The following NOTCH2 variants were observed in gnomAD, a reference collection of about 807,000 sequenced individuals.
The protein encoded by NOTCH2 is notch receptor 2.
NOTCH2 carries 29 observed loss-of-function variants against 235.8 expected under a neutral mutation model. That is an observed-to-expected ratio of 0.12 (90% CI 0.09 to 0.17). The LOEUF (loss-of-function observed/expected upper bound fraction) is 0.17, where lower values mean the gene tolerates loss of function less well. Among genes scored for constraint, NOTCH2 ranks in the 10% least tolerant of loss-of-function variants. The pLI, the probability that NOTCH2 is intolerant of heterozygous loss-of-function variation, is 1.00. For synonymous variants in NOTCH2, 1,086 were observed against 1,141.5 expected, an observed-to-expected ratio of 0.95 and a Z score of 0.98; for missense variants, 2,285 against 3,150.2, an observed-to-expected ratio of 0.73 and a Z score of 6.57.
chr1:119,966,795 G>A (rs1651155063), intron 8 of NOTCH2, among the ~76,000 whole-genome samples: 1 of 152,172 alleles, frequency 6.6e-6, no homozygotes, highest in Non-Finnish European at 1.5e-5. Flanking sequence ...CTGGACTGTG[G>A]AAGGCCCAAA....
intron 1 of NOTCH2, among the ~76,000 whole-genome samples, chr1:120,043,133 A>T (rs1553213109): frequency 6.6e-6 from 1 of 151,644 alleles, no homozygotes; most frequent in African/African-American, 2.4e-5. Context: ...TATATTTAGG[A>T]TTAACATCTC....
intron 1 of NOTCH2, among the ~76,000 whole-genome samples, chr1:120,031,904 AAC>A (rs1654106592): frequency 1.9e-5 from 1 of 53,594 alleles, no homozygotes; most frequent in East Asian, 3.6e-4. Flanking sequence ...CTATAATTAA[AAC>A]AGTTAATGTC....
Position 119,997,843 on chromosome 1 carries a change from G to A in NOTCH2, c.416-511C>T, listed in dbSNP as rs192580349. Among the ~76,000 whole-genome samples, 429 of 139,944 alleles carry A rather than the reference G, an allele frequency of 3.1e-3. 35 individuals are homozygous for A. The highest frequency in any genetic ancestry group is 0.012 in the African/African-American group (400 of 33,368). The allele number at this position is 139,944 out of a possible 152,430, so 91.8% of individuals were successfully genotyped here. A position where few individuals can be genotyped will look rare whatever the true frequency, so the allele number is the denominator to read the frequency against. ...ACAAAAATTAGCTGGGCATGGTGGC[G>A]CGCACCTGTGATCCCAGCTACTTGG... On this transcript the variant is annotated intron_variant, in intron 3 of 33. Coordinates refer to ENST00000256646, the MANE Select transcript of NOTCH2 (RefSeq NM_024408.4).
intron 5 of NOTCH2, among the ~76,000 whole-genome samples, chr1:119,985,165 T>C (rs1363996770): frequency 2.0e-5 from 3 of 152,104 alleles, no homozygotes; most frequent in Non-Finnish European, 4.4e-5. Flanking sequence ...GACTTTCTCC[T>C]GTTGATGATG....
At chr1:120,018,743 C>T (rs1226913645) in intron 2 of NOTCH2, among the ~76,000 whole-genome samples, 1 of 149,510 alleles carries the variant, frequency 6.7e-6, no homozygotes, top group Non-Finnish European at 1.5e-5. Context: ...ATAGAAAGGT[C>T]TAACCATCTT....
intron 10 of NOTCH2, 84 bp downstream of exon 10, chr1:119,965,369 C>T (rs1485457248): frequency 9.4e-7 from 1 of 1,069,392 alleles, no homozygotes; most frequent in Non-Finnish European, 1.5e-6. Flanking sequence ...TGGCCTGGCA[C>T]AGCAGCTAGC....
rs1319173927 is a variant in NOTCH2 at position 119,916,484 on chromosome 1, G to C, written c.6238C>G (p.Leu2080Val). Residue 2080 changes from leucine (L) to valine (V), a missense_variant, in exon 34 of 34, where the codon CTC (leucine) becomes GTC (valine). Coordinates refer to ENST00000256646, the MANE Select transcript of NOTCH2 (RefSeq NM_024408.4). ...SPPGTVLTSA[L>V]SPVICGPNRS... The stretch of plus-strand genomic sequence containing the variant: ...TTGGGCCCACAGATGACAGGTGAGA[G>C]AGCAGAAGTCAACACGGTGCCTGGA... 5 of 1,612,646 alleles carry C rather than the reference G, an allele frequency of 3.1e-6. No homozygotes were observed. The highest frequency in any genetic ancestry group is 2.7e-5 in the African/African-American group (2 of 75,000).
chr1:119,943,603 T>C (rs1650145006), intron 17 of NOTCH2, among the ~76,000 whole-genome samples: 1 of 152,196 alleles, frequency 6.6e-6, no homozygotes, highest in Admixed American at 6.5e-5. Context: ...AAAATGTTTT[T>C]TTAAAAAAGA....
At chr1:119,985,749 GA>G (rs1348341155) in intron 5 of NOTCH2, among the ~76,000 whole-genome samples, 1 of 152,054 alleles carries the variant, frequency 6.6e-6, no homozygotes, top group Non-Finnish European at 1.5e-5. Context: ...TTTTTAAGTT[GA>G]AAAAATAGCC....
chr1:119,950,235 T>C (rs1367258545), intron 15 of NOTCH2: 1 of 353,088 alleles, frequency 2.8e-6, no homozygotes, highest in African/African-American at 2.1e-5. Flanking sequence ...CTATATGACC[T>C]TGAGCAAGCA....
Position 119,950,821 on chromosome 1 carries a change from C to T in NOTCH2, c.2382G>A (p.Val794=). ...KKGFKGYNCQ[V]NIDECASNPC... ...GATTTGAGGCACATTCATCAATATTCACCTGGCAGTTATAGCCTGTAGACA... is the reference window on the plus strand; with the variant it reads ...GATTTGAGGCACATTCATCAATATTTACCTGGCAGTTATAGCCTGTAGACA... Residue 794 remains valine (V), a synonymous_variant, in exon 15 of 34, where the codon GTG becomes GTA. Transcript: ENST00000256646. 1.2e-6 allele frequency: 2 copies of T among 1,612,970 alleles called. No homozygotes were observed. Among genetic ancestry groups the T allele is most frequent in the Non-Finnish European group, 1.7e-6 (2 of 1,178,888 alleles).
chr1:119,935,079 A>G lies in NOTCH2; in HGVS notation c.3655+393T>C, dbSNP rs140349926. On this transcript the variant is annotated intron_variant, in intron 22 of 33. Transcript: ENST00000256646. The stretch of plus-strand genomic sequence containing the variant: ...ATTCATTCCCCCACCTTATAGAGGT[A>G]AGACTTGGCTAATTAAAAAAATACA... The G allele has an allele frequency of 2.5e-4, 247 of 979,862 alleles. 5 individuals are homozygous for G. The East Asian group carries it at 0.011, about 42-fold the overall frequency. 60.7% of individuals were successfully genotyped at this position (979,862 alleles called of 1,614,324 possible).
chr1:119,999,572 G>A (rs1652626425), intron 3 of NOTCH2, among the ~76,000 whole-genome samples: 1 of 151,148 alleles, frequency 6.6e-6, no homozygotes, highest in Non-Finnish European at 1.5e-5. Flanking sequence ...TCAGAGTGAT[G>A]CCCACAACTG....
chr1:119,915,065 T>C lies in NOTCH2; in HGVS notation c.*241A>G. The C allele has an allele frequency of 1.8e-6, 1 of 561,914 alleles. No homozygotes were observed. Among genetic ancestry groups the C allele is most frequent in the Non-Finnish European group, 3.2e-6 (1 of 312,742 alleles). The allele number at this position is 561,914 out of a possible 1,614,324, so 34.8% of individuals were successfully genotyped here. A position where few individuals can be genotyped will look rare whatever the true frequency, so the allele number is the denominator to read the frequency against. On this transcript the variant is annotated 3_prime_UTR_variant, in exon 34 of 34. Transcript: ENST00000256646. ...AGAGTAAACATGGACCCAAGGCTTG[T>C]ATTCATCTTGCATTTCCACAAACTT...
rs1419033534 is a variant in NOTCH2, at chr1:120,005,410, A to G, written c.334T>C (p.Ser112Pro). The G allele has an allele frequency of 1.9e-6, 3 of 1,613,930 alleles. No homozygotes were observed. The highest frequency in any genetic ancestry group is 2.5e-6 in the Non-Finnish European group (3 of 1,179,886). The change falls in exon 3 of 34, where the codon TCT becomes CCT. Residue 112 changes from serine (S) to proline (P), a missense_variant. Around this residue, in one of 6 missense-constraint regions of NOTCH2, gnomAD observed 431 missense variants for 757.8 expected, o/e 0.57. Transcript: ENST00000256646. ...GTGCCGCCATTCAGGCAGGGTCGAG[A>G]CACAAAGCATGGATGAGATGTTGAG... The part of the protein sequence containing the change: ...QYSTSHPCFV[S>P]RPCLNGGTCH...
rs114161783 is a variant in NOTCH2, at chr1:119,912,659, A to G, written c.*2647T>C. The G allele has an allele frequency of 2.3e-3, 541 of 233,232 alleles. 4 individuals carry two copies. The highest frequency in any genetic ancestry group is 0.011 in the African/African-American group (512 of 45,446). The allele number at this position is 233,232 out of a possible 1,614,324, so 14.4% of individuals were successfully genotyped here. A position where few individuals can be genotyped will look rare whatever the true frequency, so the allele number is the denominator to read the frequency against. ...AAAGCATTTATAACAATAAAAATAA[A>G]CCAAAAATAGCAGGGGAGGATCTAT... On this transcript the variant is annotated 3_prime_UTR_variant, in exon 34 of 34. Coordinates refer to ENST00000256646, the MANE Select transcript of NOTCH2 (RefSeq NM_024408.4).
chr1:119,954,798 C>CT (rs1342751507), intron 13 of NOTCH2, among the ~76,000 whole-genome samples: 12 of 152,306 alleles, frequency 7.9e-5, no homozygotes, highest in Non-Finnish European at 1.2e-4. Flanking sequence ...GAGGTCCTTG[C>CT]TAATGACCCA....
intron 22 of NOTCH2, chr1:119,935,150 T>C: frequency 8.1e-7 from 1 of 1,231,834 alleles, no homozygotes; most frequent in Non-Finnish European, 1.0e-6. Flanking sequence ...CATTAGTTGC[T>C]TTTCTGTGAA....
chr1:119,934,362 T>C (rs1553195500), intron 22 of NOTCH2, among the ~76,000 whole-genome samples: 2 of 152,158 alleles, frequency 1.3e-5, no homozygotes, highest in African/African-American at 4.8e-5. Flanking sequence ...TATAGCAACA[T>C]AAATGAACTA....
Sources: allele counts gnomAD v4.1 joint callset (sites outside exome capture counted in the v4.1 genomes callset), GRCh38; gene constraint gnomAD v4.1.1; regional missense constraint gnomAD v4.1.1; transcripts MANE v1.5; gene names NCBI Gene and HGNC (gene_info 2026-07-23, HGNC 2026-07-21).